The following ADGRA2 variants were observed in gnomAD, a reference collection of about 807,000 sequenced individuals.
The protein encoded by ADGRA2 is adhesion G protein-coupled receptor A2.
Under a neutral mutation model 98.7 loss-of-function variants are expected in ADGRA2, and 61 were observed. The observed-to-expected ratio is 0.62, with a 90% CI of 0.50 to 0.76. The LOEUF (loss-of-function observed/expected upper bound fraction) is 0.76. Ranked by LOEUF, ADGRA2 falls within the 30% of genes least tolerant of loss-of-function variation. The pLI is 0.00. For missense variants in ADGRA2, 1,712 were observed against 1,860.0 expected (o/e 0.92, Z 1.46); for synonymous variants, 858 against 831.5 (o/e 1.03, Z -0.55).
intron 2 of ADGRA2, among the ~76,000 whole-genome samples, chr8:37,816,017 C>A (rs998024595): frequency 1.5e-4 from 23 of 152,204 alleles, no homozygotes; most frequent in African/African-American, 5.3e-4. Context: ...CCATTTTGCC[C>A]AAATGGGTCA....
chr8:37,832,957 G>A, intron 8 of ADGRA2, 53 bp from the exon 9 acceptor site: 1 of 1,377,512 alleles, frequency 7.3e-7, no homozygotes, highest in Non-Finnish European at 1.0e-6. Context: ...CGGGAGAAGG[G>A]CTGTTGTTCT....
intron 1 of ADGRA2, among the ~76,000 whole-genome samples, chr8:37,811,879 G>A (rs1037179182): frequency 6.6e-6 from 1 of 150,634 alleles, no homozygotes; most frequent in African/African-American, 2.4e-5. Flanking sequence ...GAGGCAGGCG[G>A]ATCACCTGAA....
At chr8:37,798,191 G>A (rs1280421245) in intron 1 of ADGRA2, among the ~76,000 whole-genome samples, 1 of 152,242 alleles carries the variant, frequency 6.6e-6, no homozygotes, top group Non-Finnish European at 1.5e-5. Context: ...GGCGCCGTTT[G>A]TGCAGTGAGC....
Position 37,797,379 on chromosome 8 carries a change from C to T in ADGRA2, c.111C>T (p.Cys37=). ...CCGAGGCTCGGGGCGCGCCCGGCTG[C>T]CCGCTATCCATCCGCAGCTGCAAGT... ...LAPEARGAPG[C]PLSIRSCKCS... is the part of the protein sequence containing the mutation. Residue 37 remains cysteine (C), a synonymous_variant, in exon 1 of 19, where the codon TGC becomes TGT. Transcript: ENST00000412232. This position sits in a 1 kb window ranked among gnomAD's most constrained non-coding sequence, Gnocchi z 5.3. The T allele has an allele frequency of 1.4e-6, 2 of 1,428,654 alleles. No individual in the cohort carries two copies. Among genetic ancestry groups the T allele is most frequent in the Non-Finnish European group, 1.8e-6 (2 of 1,091,322 alleles). 88.5% of individuals were successfully genotyped at this position (1,428,654 alleles called of 1,614,324 possible).
rs752892514 is a variant in ADGRA2, at chr8:37,840,844, C to G, written c.2742C>G (p.Ser914Arg). The G allele has an allele frequency of 2.5e-6, 4 of 1,589,134 alleles. No homozygotes were observed. The highest frequency in any genetic ancestry group is 8.6e-7 in the Non-Finnish European group (1 of 1,158,834). The change falls in exon 18 of 19, where the codon AGC becomes AGG. Residue 914 changes from serine (S) to arginine (R), a missense_variant. Physicochemically the swap from Ser to Arg is moderately radical, Grantham distance 110 (BLOSUM62 -1). Coordinates refer to ENST00000412232, the MANE Select transcript of ADGRA2 (RefSeq NM_032777.10). ...ACATCCACAACTACCGGGACCACAG[C>G]CCCTAGTGAGCACCCCTCCCTCCCG... is the stretch of plus-strand genomic sequence containing the variant. ...AVNIHNYRDH[S>R]PYCWLVWRPS...
At chr8:37,816,927 A>ACACACAC (rs1804997118) in intron 2 of ADGRA2, among the ~76,000 whole-genome samples, 1 of 131,888 alleles carries the variant, frequency 7.6e-6, no homozygotes, top group African/African-American at 2.8e-5. Flanking sequence ...AAGAAAGCAA[A>ACACACAC]ACACACACAC....
rs747711074 is a variant in ADGRA2, at chr8:37,828,970, C to A, written c.410+11C>A. 1.3e-6 allele frequency: 2 copies of A among 1,554,788 alleles called. No individual in the cohort carries two copies. Among genetic ancestry groups the A allele is most frequent in the South Asian group, 2.5e-5 (2 of 81,548 alleles). ...GGAGCTGAAGCGTTTGTGAGTGGCA[C>A]GCCCTCCCCTGACCCCACCCCTCCC... is the stretch of plus-strand genomic sequence containing the variant. On this transcript the variant is annotated intron_variant, in intron 3 of 18. Transcript: ENST00000412232.
At position 37,844,594 on chromosome 8, in the gene ADGRA2, C is replaced by G; in HGVS notation, c.*2239C>G. 1 of 1,614,132 alleles carries G rather than the reference C, an allele frequency of 6.2e-7. No individual in the cohort carries two copies. The highest frequency in any genetic ancestry group is 8.5e-7 in the Non-Finnish European group (1 of 1,180,020). ...CGCAAATACTGTTCTATTTCACTAT[C>G]AGAAATGTTCTCATCTCCAGTGACA... On this transcript the variant is annotated 3_prime_UTR_variant, in exon 19 of 19. Transcript: ENST00000412232.
chr8:37,816,577 G>A (rs1023073670), intron 2 of ADGRA2, among the ~76,000 whole-genome samples: 10 of 150,736 alleles, frequency 6.6e-5, no homozygotes, highest in African/African-American at 2.2e-4. Flanking sequence ...GTGTGACAGA[G>A]CGAGACTCCG....
chr8:37,828,235 T>C (rs1046199438), intron 2 of ADGRA2, among the ~76,000 whole-genome samples: 2 of 152,088 alleles, frequency 1.3e-5, no homozygotes, highest in African/African-American at 4.8e-5. Context: ...TGCATAGCAA[T>C]TTACAAAACA....
At position 37,828,919 on chromosome 8, in the gene ADGRA2, C is replaced by T; in HGVS notation, c.370C>T (p.Gln124Ter). Residue 124 changes from glutamine (Q) to a stop codon, truncating the protein, a stop_gained, in exon 3 of 19, where the codon CAG (glutamine) becomes TAG (stop). Coordinates refer to ENST00000412232, the MANE Select transcript of ADGRA2 (RefSeq NM_032777.10). LOFTEE classifies it high-confidence loss of function. ...GAGGAACAACATCATCAGCACAGTG[C>T]AGCCGGGCGCCTTCCTGGGCCTGGG... ...DLRNNIISTV[Q>*]PGAFLGLGEL... 6.3e-7 allele frequency: 1 copy of T among 1,593,548 alleles called. No homozygotes were observed. The highest frequency in any genetic ancestry group is 1.8e-5 in the Admixed American group (1 of 56,422).
At chr8:37,833,637 G>A (rs771653008) in intron 9 of ADGRA2, 51 bp from the exon 10 acceptor site, 38 of 1,596,008 alleles carry the variant, frequency 2.4e-5, no homozygotes, top group East Asian at 1.6e-4. Flanking sequence ...GGGGCAGTTC[G>A]GGGGCAGAAG....
chr8:37,822,722 A>G (rs970082503), intron 2 of ADGRA2, among the ~76,000 whole-genome samples: 3 of 152,182 alleles, frequency 2.0e-5, no homozygotes, highest in African/African-American at 4.8e-5. Context: ...AAATCATGCA[A>G]TAGGTAATCT....
intron 17 of ADGRA2, 111 bp downstream of exon 17, chr8:37,840,377 C>T: frequency 8.3e-7 from 1 of 1,201,294 alleles, no homozygotes; most frequent in Non-Finnish European, 1.2e-6. Flanking sequence ...AGATCACTCT[C>T]CAAAGACGGG....
In ADGRA2 at chr8:37,835,603, C is replaced by A; in HGVS notation, c.1883C>A (p.Ser628Tyr). ...SIQLPPSLFS[S>Y]LPAALAPPVP... Reference sequence around the variant, plus strand: ...CAGCTGCCCCCGAGTCTATTCTCATCCCTTCCGGCTGCCCTGGCTCCCCCG... The same window carrying A: ...CAGCTGCCCCCGAGTCTATTCTCATACCTTCCGGCTGCCCTGGCTCCCCCG... Residue 628 changes from serine (S) to tyrosine (Y), a missense_variant, in exon 13 of 19, where the codon TCC becomes TAC. Physicochemically the swap from Ser to Tyr is moderately radical, Grantham distance 144 (BLOSUM62 -2). Transcript: ENST00000412232. 3 of 1,613,876 alleles carry A rather than the reference C, an allele frequency of 1.9e-6. No individual in the cohort carries two copies. Among genetic ancestry groups the A allele is most frequent in the Non-Finnish European group, 2.5e-6 (3 of 1,179,776 alleles).
chr8:37,830,001 C>G lies in ADGRA2; in HGVS notation c.705C>G (p.Ala235=). Residue 235 remains alanine (A), a synonymous_variant, in exon 6 of 19, where the codon GCC becomes GCG. Coordinates refer to ENST00000412232, the MANE Select transcript of ADGRA2 (RefSeq NM_032777.10). The surrounding 1 kb of genome is among the most constrained non-coding windows in gnomAD (Gnocchi z 4.8). ...AGGCCCTGGGCAGCCTCCAGGAGGC[C>G]CAGCTCTGCTGCGGTGAGCAAGTCC... ...HAQALGSLQE[A]QLCCEGALEL... is the part of the protein sequence containing the mutation. 1 of 1,576,014 alleles carries G rather than the reference C, an allele frequency of 6.3e-7. No homozygotes were observed. The highest frequency in any genetic ancestry group is 8.6e-7 in the Non-Finnish European group (1 of 1,164,784).
chr8:37,834,179 G>GC lies in ADGRA2; in HGVS notation c.1608+52dup. ...GCCCTGGCATGCAGAGGAGGGAGGCGCTCCCTCTCAGGCGTGCACCTGCCG... is the reference window on the plus strand; with the variant it reads ...GCCCTGGCATGCAGAGGAGGGAGGCGCCTCCCTCTCAGGCGTGCACCTGCCG... On this transcript the variant is annotated intron_variant, in intron 11 of 18. Coordinates refer to ENST00000412232, the MANE Select transcript of ADGRA2 (RefSeq NM_032777.10). This position sits in a 1 kb window ranked among gnomAD's most constrained non-coding sequence, Gnocchi z 4.2. The GC allele has an allele frequency of 2.0e-6, 3 of 1,499,872 alleles. No homozygotes were observed. Among genetic ancestry groups the GC allele is most frequent in the Non-Finnish European group, 2.7e-6 (3 of 1,100,104 alleles). 92.9% of individuals were successfully genotyped at this position (1,499,872 alleles called of 1,614,324 possible).
At chr8:37,829,709 T>A in intron 5 of ADGRA2, 142 bp from the exon 6 acceptor site, 2 of 986,160 alleles carry the variant, frequency 2.0e-6, no homozygotes, top group East Asian at 4.9e-5. Context: ...CTTCCCGCGA[T>A]GGCCCGGGGC....
intron 2 of ADGRA2, among the ~76,000 whole-genome samples, chr8:37,824,489 A>ATTT (rs34639785): frequency 0.011 from 1,218 of 114,654 alleles, 33 homozygotes; most frequent in African/African-American, 0.037. Context: ...CTAAGGTGCA[A>ATTT]TTTTTTTTTT....
Sources: allele counts gnomAD v4.1 joint callset (sites outside exome capture counted in the v4.1 genomes callset), GRCh38; gene constraint gnomAD v4.1.1; non-coding constraint Gnocchi (gnomAD v3.1); transcripts MANE v1.5; gene names NCBI Gene and HGNC (gene_info 2026-07-23, HGNC 2026-07-21).